The following CPA6 variants were observed in gnomAD, a reference collection of about 807,000 sequenced individuals.
The protein encoded by CPA6 is carboxypeptidase A6, also known as carboxypeptidase B.
A neutral mutation model predicts 63.3 loss-of-function variants in CPA6; 58 were observed. The observed-to-expected ratio is 0.92, with a 90% CI of 0.74 to 1.14. The LOEUF is 1.14. Ranked by LOEUF, CPA6 falls within the 50% of genes most tolerant of loss-of-function variation. The pLI, the probability that CPA6 is intolerant of heterozygous loss-of-function variation, is 0.00. For missense variants in CPA6, 565 were observed against 526.6 expected, an observed-to-expected ratio of 1.07 and a Z score of -0.71; for synonymous variants, 185 against 179.0, an observed-to-expected ratio of 1.03 and a Z score of -0.27.
intron 1 of CPA6, among the ~76,000 whole-genome samples, chr8:67,642,839 G>C (rs1000459301): frequency 1.1e-4 from 15 of 130,906 alleles, no homozygotes; most frequent in African/African-American, 4.6e-4. Flanking sequence ...AGTCAAAATG[G>C]ATTAAGAATT....
At chr8:67,623,751 C>A (rs797012376) in intron 2 of CPA6, among the ~76,000 whole-genome samples, 6 of 152,114 alleles carry the variant, frequency 3.9e-5, no homozygotes, top group South Asian at 2.1e-4. Context: ...TTTTGAGTAG[C>A]CTTAAATATC....
intron 6 of CPA6, among the ~76,000 whole-genome samples, chr8:67,490,516 A>T (rs1811580879): frequency 1.3e-5 from 2 of 152,182 alleles, no homozygotes; most frequent in African/African-American, 4.8e-5. Flanking sequence ...ATTTATTTTA[A>T]AGAGGCTTCA....
intron 2 of CPA6, among the ~76,000 whole-genome samples, chr8:67,575,880 G>C (rs1489844781): frequency 6.6e-6 from 1 of 151,480 alleles, no homozygotes; most frequent in Non-Finnish European, 1.5e-5. Flanking sequence ...TGTCAACATG[G>C]ATGGAATTGG....
intron 1 of CPA6, among the ~76,000 whole-genome samples, chr8:67,734,328 C>T (rs1193227334): frequency 7.0e-6 from 1 of 143,630 alleles, no homozygotes; most frequent in Non-Finnish European, 1.5e-5. Flanking sequence ...ATGACCTCAG[C>T]AAACCAGGGC....
At chr8:67,624,933 TGA>T (rs1815163004) in intron 1 of CPA6, among the ~76,000 whole-genome samples, 1 of 152,048 alleles carries the variant, frequency 6.6e-6, no homozygotes, top group African/African-American at 2.4e-5. Context: ...AAGCAATCAC[TGA>T]GAAGATGATT....
intron 2 of CPA6, among the ~76,000 whole-genome samples, chr8:67,552,625 T>G (rs1812969461): frequency 6.6e-6 from 1 of 151,598 alleles, no homozygotes; most frequent in African/African-American, 2.4e-5. Context: ...TACAAAAAAT[T>G]AGCTGGACGT....
At chr8:67,507,227 A>G (rs1811948891) in intron 5 of CPA6, among the ~76,000 whole-genome samples, 1 of 151,308 alleles carries the variant, frequency 6.6e-6, no homozygotes, top group South Asian at 2.1e-4. Flanking sequence ...CTGGTCTTGA[A>G]CTCCTGGTCT....
chr8:67,611,566 C>T (rs1029102158), intron 2 of CPA6, among the ~76,000 whole-genome samples: 6 of 152,174 alleles, frequency 3.9e-5, no homozygotes, highest in African/African-American at 9.7e-5. Context: ...CAGATCTACC[C>T]TCTTTTTGTC....
chr8:67,462,922 A>G (rs1193925018), intron 8 of CPA6, among the ~76,000 whole-genome samples: 2 of 152,170 alleles, frequency 1.3e-5, no homozygotes, highest in South Asian at 2.1e-4. Context: ...CTGTGGCTCT[A>G]TTGACTTTTG....
At chr8:67,546,232 AAT>A (rs1491257580) in intron 2 of CPA6, among the ~76,000 whole-genome samples, 1 of 152,218 alleles carries the variant, frequency 6.6e-6, no homozygotes, top group Non-Finnish European at 1.5e-5. Flanking sequence ...GGCCCCAGGC[AAT>A]TGTAGGAACC....
intron 2 of CPA6, among the ~76,000 whole-genome samples, chr8:67,612,131 C>T (rs535770147): frequency 6.6e-6 from 1 of 152,270 alleles, no homozygotes; most frequent in Admixed American, 6.5e-5. Flanking sequence ...AATGAATGGA[C>T]TGTCTAAGTA....
chr8:67,430,167 GTGTGTA>G lies in CPA6; in HGVS notation c.1042-2042_1042-2037del, dbSNP rs150538279. Among the ~76,000 whole-genome samples, 891 of 122,004 alleles carry G rather than the reference GTGTGTA, an allele frequency of 7.3e-3. 12 individuals are homozygous for G. The highest frequency in any genetic ancestry group is 0.032 in the African/African-American group (780 of 24,636). 80.0% of individuals were successfully genotyped at this position (122,004 alleles called of 152,430 possible). A position where few individuals can be genotyped will look rare whatever the true frequency, so the allele number is the denominator to read the frequency against. On this transcript the variant is annotated intron_variant, in intron 9 of 10. Coordinates refer to ENST00000297770, the MANE Select transcript of CPA6 (RefSeq NM_020361.5). ...TGTGTGTGTGTGTGTGTGTGTGTGT[GTGTGTA>G]TATATTTTGTTTTTTTTTTTTTTTA...
chr8:67,505,897 T>C (rs981141876), intron 6 of CPA6, among the ~76,000 whole-genome samples: 1 of 152,130 alleles, frequency 6.6e-6, no homozygotes, highest in African/African-American at 2.4e-5. Context: ...ATCCTTTGTG[T>C]CTTTAATGGT....
chr8:67,737,871 T>A (rs1817843614), intron 1 of CPA6, among the ~76,000 whole-genome samples: 1 of 152,152 alleles, frequency 6.6e-6, no homozygotes, highest in Admixed American at 6.5e-5. Flanking sequence ...GTGGCCTGGG[T>A]TTTAGTCTTA....
intron 2 of CPA6, among the ~76,000 whole-genome samples, chr8:67,585,445 G>A (rs757324562): frequency 1.3e-5 from 2 of 152,026 alleles, no homozygotes; most frequent in Non-Finnish European, 2.9e-5. Context: ...TAAGACCAAC[G>A]GATGACTCTC....
intron 1 of CPA6, among the ~76,000 whole-genome samples, chr8:67,733,995 G>A (rs981248540): frequency 6.6e-6 from 1 of 151,330 alleles, no homozygotes; most frequent in Admixed American, 6.6e-5. Flanking sequence ...CTGCCTTGGC[G>A]TCCCTAGTAG....
At chr8:67,463,647 G>A (rs2128957539) in intron 8 of CPA6, among the ~76,000 whole-genome samples, 1 of 152,190 alleles carries the variant, frequency 6.6e-6, no homozygotes, top group South Asian at 2.1e-4. Context: ...GGACCCAACA[G>A]TTAGTTTTTC....
intron 2 of CPA6, among the ~76,000 whole-genome samples, chr8:67,564,502 A>C (rs905346828): frequency 6.6e-6 from 1 of 152,026 alleles, no homozygotes; most frequent in Non-Finnish European, 1.5e-5. Context: ...GTGACTCAAG[A>C]ATATATCCTT....
At position 67,483,904 on chromosome 8, in the gene CPA6, G is replaced by T. The variant is rs200471725; in HGVS notation, c.748-46C>A. 5.5e-6 allele frequency: 8 copies of T among 1,463,268 alleles called. No homozygotes were observed. In the Admixed American group the frequency reaches 6.7e-5, roughly 12 times the overall value. The allele number at this position is 1,463,268 out of a possible 1,614,324, so 90.6% of individuals were successfully genotyped here. On this transcript the variant is annotated intron_variant, in intron 7 of 10. Transcript: ENST00000297770. ...AGGTGCTGAGAAAAATACTTAAAAG[G>T]TTATTCGCATGCATTTTAATAGCTC... is the stretch of plus-strand genomic sequence containing the variant.
Sources: gnomAD v4.1 joint callset for allele counts (sites outside exome capture counted in the v4.1 genomes callset) on GRCh38, gnomAD v4.1.1 for gene constraint, MANE v1.5 for transcripts, NCBI Gene and HGNC (gene_info 2026-07-23, HGNC 2026-07-21) for gene names.